The following FGF13 variants were observed in gnomAD, a reference collection of about 807,000 sequenced individuals.
FGF13 encodes fibroblast growth factor homologous factor 2.
Under a neutral mutation model 19.5 loss-of-function variants are expected in FGF13, and 2 were observed. The observed-to-expected ratio is 0.10, with a 90% CI of 0.04 to 0.32. The LOEUF (loss-of-function observed/expected upper bound fraction) is 0.32, where lower values mean the gene tolerates loss of function less well. Among genes scored for constraint, FGF13 ranks in the 10% least tolerant of loss-of-function variants. FGF13 has a pLI of 1.00. For missense variants in FGF13, 113 were observed against 192.7 expected, an observed-to-expected ratio of 0.59 and a Z score of 2.45; for synonymous variants, 72 against 76.9, an observed-to-expected ratio of 0.94 and a Z score of 0.33.
chrX:138,859,721 C>T (rs1348831756), intron 2 of FGF13, among the ~76,000 whole-genome samples: 1 of 112,187 alleles, frequency 8.9e-6, no homozygotes, highest in African/African-American at 3.2e-5. Context: ...CTGTAACACA[C>T]AACAAAATTC....
intron 3 of FGF13, among the ~76,000 whole-genome samples, chrX:138,671,824 T>C (rs192507933): frequency 2.6e-4 from 29 of 110,694 alleles, no homozygotes; most frequent in Admixed American, 7.8e-4. Context: ...TATGGATGCA[T>C]AAAATGGATA....
intron 1 of FGF13, among the ~76,000 whole-genome samples, chrX:138,889,932 C>CT (rs1218819253): frequency 0.051 from 5,122 of 100,152 alleles, 361 homozygotes; most frequent in African/African-American, 0.16. Context: ...CCCTTTTGAA[C>CT]TTTTTTTTTT....
At chrX:138,821,970 C>A (rs2091002576) in intron 3 of FGF13, among the ~76,000 whole-genome samples, 1 of 111,727 alleles carries the variant, frequency 9.0e-6, no homozygotes, top group African/African-American at 3.3e-5. Flanking sequence ...ATTATAGGTC[C>A]TCACATATGA....
intron 1 of FGF13, among the ~76,000 whole-genome samples, chrX:138,881,153 T>A (rs767604854): frequency 8.9e-6 from 1 of 112,007 alleles, no homozygotes; most frequent in African/African-American, 3.2e-5. Flanking sequence ...CTTTGTTAAA[T>A]TTATTCCTAG....
intron 3 of FGF13, among the ~76,000 whole-genome samples, chrX:138,825,399 A>G (rs1281515473): frequency 1.8e-5 from 2 of 112,296 alleles, no homozygotes; most frequent in Non-Finnish European, 3.8e-5. Flanking sequence ...AAGACTTATT[A>G]TTGGTACCTG....
At chrX:139,167,100 G>C (rs73572103) in intron 1 of FGF13, among the ~76,000 whole-genome samples, 6,788 of 111,540 alleles carry the variant, frequency 0.061, 422 homozygotes, top group African/African-American at 0.2. Flanking sequence ...AATATCACCT[G>C]CTCTGAGAAG....
intron 1 of FGF13, among the ~76,000 whole-genome samples, chrX:138,992,301 C>T (rs1171085591): frequency 9.0e-6 from 1 of 111,080 alleles, no homozygotes; most frequent in Non-Finnish European, 1.9e-5. Flanking sequence ...TTTTGTTTAT[C>T]GTGTTTTATA....
At chrX:138,688,320 A>G (rs986255970) in intron 3 of FGF13, among the ~76,000 whole-genome samples, 6 of 110,751 alleles carry the variant, frequency 5.4e-5, no homozygotes, top group African/African-American at 1.6e-4. Flanking sequence ...GAGTCTGGGA[A>G]AAGTAGGTGG....
At chrX:138,855,759 G>A (rs2091253454), downstream of FGF13, among the ~76,000 whole-genome samples, 2 of 111,778 alleles carry the variant, frequency 1.8e-5, no homozygotes, top group Admixed American at 1.9e-4. Context: ...GATGGTACTT[G>A]AAAATAACAG....
intron 1 of FGF13, among the ~76,000 whole-genome samples, chrX:139,014,970 TG>T (rs2092146854): frequency 9.0e-6 from 1 of 111,573 alleles, no homozygotes; most frequent in African/African-American, 3.2e-5. Context: ...AAAAATCATA[TG>T]ATCATTTCAA....
rs188270535 is a variant in FGF13, at chrX:139,062,345, C to T, written c.-113+141071G>A. Among the ~76,000 whole-genome samples, 4 of 111,818 alleles carry T rather than the reference C, an allele frequency of 3.6e-5. No homozygotes were observed. In the Admixed American group the frequency reaches 3.8e-4, roughly 11 times the overall value. On this transcript the variant is annotated intron_variant, in intron 1 of 2. Coordinates refer to the FGF13 transcript ENST00000421460. ...CCTTCCTCATTGTGTGTTCTTGGCTCCTTTATCAAAAATGAATTGGTTGTA... is the reference window on the plus strand; with the variant it reads ...CCTTCCTCATTGTGTGTTCTTGGCTTCTTTATCAAAAATGAATTGGTTGTA...
At chrX:138,714,396 A>G (rs1162806550), upstream of FGF13, 1 of 112,596 alleles carries the variant, frequency 8.9e-6, no homozygotes, top group Non-Finnish European at 1.9e-5. Flanking sequence ...CTGTTATCCC[A>G]GAATTTTGGG....
chrX:138,830,559 A>G (rs1020021064), intron 3 of FGF13, among the ~76,000 whole-genome samples: 1 of 111,761 alleles, frequency 8.9e-6, no homozygotes, highest in Non-Finnish European at 1.9e-5. Flanking sequence ...GCAACTTTTA[A>G]CCACATACAG....
intron 3 of FGF13, among the ~76,000 whole-genome samples, chrX:138,685,661 C>A (rs1226206545): frequency 1.8e-5 from 2 of 111,023 alleles, no homozygotes; most frequent in East Asian, 5.6e-4. Context: ...GTATGAATTG[C>A]CATACTTAAA....
rs2089063364 is a variant in FGF13 at position 138,626,315 on chromosome X, G to A, written c.*6535C>T. The A allele has an allele frequency of 8.9e-6, 1 of 112,000 alleles. No individual in the cohort carries two copies. Among genetic ancestry groups the A allele is most frequent in the Non-Finnish European group, 1.9e-5 (1 of 53,198 alleles). 9.2% of individuals were successfully genotyped at this position (112,000 alleles called of 1,213,427 possible). A position where few individuals can be genotyped will look rare whatever the true frequency, so the allele number is the denominator to read the frequency against. ...TTAGAGATACCCAGTGCTATTTCAT[G>A]TGCCTTTCATGTGAAGCTCTATGCC... On this transcript the variant is annotated 3_prime_UTR_variant, in exon 5 of 5. Transcript: ENST00000315930.
chrX:139,132,759 T>G (rs1296707515), intron 1 of FGF13, among the ~76,000 whole-genome samples: 1 of 112,520 alleles, frequency 8.9e-6, no homozygotes, highest in Non-Finnish European at 1.9e-5. Context: ...ATATTGCCAC[T>G]TAAACATAAG....
intron 1 of FGF13, among the ~76,000 whole-genome samples, chrX:138,731,816 A>G (rs1263995096): frequency 9.0e-6 from 1 of 110,915 alleles, no homozygotes; most frequent in Non-Finnish European, 1.9e-5. Context: ...ATGAATCATT[A>G]ATATAATAAA....
At position 139,143,180 on chromosome X, in the gene FGF13, G is replaced by T. The variant is rs144418689; in HGVS notation, c.-113+60236C>A. 1.8e-3 allele frequency among the ~76,000 whole-genome samples: 197 copies of T among 111,989 alleles called. 4 individuals are homozygous for T. The East Asian group carries it at 0.056, about 32-fold the overall frequency. On this transcript the variant is annotated intron_variant, in intron 1 of 2. Coordinates refer to the FGF13 transcript ENST00000421460. ...GAAATATCCTGCCTCTGAAAATCAG[G>T]CTATAAAGATGTTGAAAGGGGAGCC...
At chrX:138,807,867 A>G (rs1602888477) in intron 3 of FGF13, among the ~76,000 whole-genome samples, 2 of 111,787 alleles carry the variant, frequency 1.8e-5, no homozygotes, top group Non-Finnish European at 1.9e-5. Context: ...ATGGTAAAGG[A>G]ATCAATTCAA....
Sources: gnomAD v4.1 joint callset for allele counts (sites outside exome capture counted in the v4.1 genomes callset) on GRCh38, gnomAD v4.1.1 for gene constraint, MANE v1.5 for transcripts, NCBI Gene and HGNC (gene_info 2026-07-23, HGNC 2026-07-21) for gene names.